HACL2: variants seen among roughly 807,000 people sequenced by gnomAD.
HACL2 encodes the protein 2-hydroxyacyl-CoA lyase 1 like.
the HACL2 span, chr19:15,122,905 C>T: frequency 6.2e-7 from 1 of 1,610,136 alleles, no homozygotes. The surrounding 1 kb of genome is among the most constrained non-coding windows in gnomAD (Gnocchi z 4.0). Flanking sequence ...GGGTGCCCGA[C>T]TGGGCGGCAG....
the HACL2 span, chr19:15,124,510 G>C: frequency 5.8e-6 from 1 of 173,818 alleles, no homozygotes; most frequent in East Asian, 1.6e-4. Context: ...GAAAAGGTAA[G>C]GGGTAGGTAA....
the HACL2 span, among the ~76,000 whole-genome samples, chr19:15,119,695 C>T: frequency 5.4e-3 from 825 of 152,238 alleles, 5 homozygotes; most frequent in East Asian, 9.1e-3. Context: ...GGATTACAGG[C>T]GCGTGCCACC....
chr19:15,117,033 A>G, the HACL2 span: 1 of 165,486 alleles, frequency 6.0e-6, no homozygotes, highest in Admixed American at 6.3e-5. Flanking sequence ...TGTCCTGGCC[A>G]TTTTGAGCAG....
chr19:15,119,182 A>G, the HACL2 span: 338,775 of 1,576,118 alleles, frequency 0.21, 39,645 homozygotes, highest in East Asian at 0.36. Flanking sequence ...GGACAATGAC[A>G]TCCGCCTTCT....
chr19:15,125,062 G>T, the HACL2 span: 1 of 1,545,202 alleles, frequency 6.5e-7, no homozygotes, highest in East Asian at 2.4e-5. Flanking sequence ...GTCTCCATGA[G>T]GTGGTACCTA....
At chr19:15,117,745 C>T in the HACL2 span, 5 of 858,124 alleles carry the variant, frequency 5.8e-6, no homozygotes, top group East Asian at 1.2e-4. Flanking sequence ...AACTATTTGT[C>T]TCTGGTTGAC....
the HACL2 span, chr19:15,125,185 G>A: frequency 1.1e-5 from 12 of 1,059,800 alleles, no homozygotes; most frequent in Non-Finnish European, 1.3e-5. Flanking sequence ...CAGTTTCTGT[G>A]CGGCCACGCC....
chr19:15,123,078 C>A, the HACL2 span: 25 of 1,610,866 alleles, frequency 1.6e-5, no homozygotes, highest in Non-Finnish European at 2.0e-5. This position sits in a 1 kb window ranked among gnomAD's most constrained non-coding sequence, Gnocchi z 5.1. Flanking sequence ...GCCCTTCAAG[C>A]CCCCCTAGGC....
the HACL2 span, among the ~76,000 whole-genome samples, chr19:15,122,210 T>G: frequency 6.6e-6 from 1 of 152,108 alleles, no homozygotes; most frequent in Non-Finnish European, 1.5e-5. The surrounding 1 kb of genome is among the most constrained non-coding windows in gnomAD (Gnocchi z 4.0). Flanking sequence ...CGGCCTGGGC[T>G]CTGCCACTTC....
chr19:15,116,445 G>A, the HACL2 span: 1 of 1,614,004 alleles, frequency 6.2e-7, no homozygotes, highest in South Asian at 1.1e-5. Context: ...GCTTCCCGCA[G>A]CTCCTCCACC....
chr19:15,120,069 A>G, the HACL2 span: 1 of 1,548,348 alleles, frequency 6.5e-7, no homozygotes, highest in South Asian at 1.2e-5. Context: ...TGGCCAGGTA[A>G]TTCTCTAAAT....
chr19:15,125,628 C>T, the HACL2 span: 1 of 152,812 alleles, frequency 6.5e-6, no homozygotes. Context: ...GGTTCTCCCA[C>T]ACCAGCTCGA....
chr19:15,115,675 C>A, the HACL2 span: 1 of 1,612,828 alleles, frequency 6.2e-7, no homozygotes, highest in Non-Finnish European at 8.5e-7. Flanking sequence ...CTGGGATCTA[C>A]AGGAAGATGA....
the HACL2 span, chr19:15,123,986 A>C: frequency 5.6e-6 from 1 of 178,318 alleles, no homozygotes; most frequent in Non-Finnish European, 1.2e-5. The surrounding 1 kb of genome is among the most constrained non-coding windows in gnomAD (Gnocchi z 5.1). Context: ...ATCTGCTGTG[A>C]CTCCTCCCTG....
At chr19:15,115,531 C>A in the HACL2 span, 1 of 1,603,592 alleles carries the variant, frequency 6.2e-7, no homozygotes, top group South Asian at 1.1e-5. Flanking sequence ...CTGAAACAGC[C>A]TCCTGTCCTC....
At chr19:15,117,390 A>AGGCCG in the HACL2 span, 1 of 156,468 alleles carries the variant, frequency 6.4e-6, no homozygotes, top group African/African-American at 2.4e-5. Context: ...AGCATCTATC[A>AGGCCG]GGCCGGGCGC....
chr19:15,118,188 T>C, the HACL2 span, among the ~76,000 whole-genome samples: 1 of 152,172 alleles, frequency 6.6e-6, no homozygotes, highest in Non-Finnish European at 1.5e-5. Flanking sequence ...GGGACTGGCC[T>C]CATGACATGC....
the HACL2 span, chr19:15,120,011 G>C: frequency 1.1e-5 from 17 of 1,550,652 alleles, no homozygotes; most frequent in Non-Finnish European, 1.5e-5. Flanking sequence ...GGGATGTCCA[G>C]GGGCAGCGGT....
chr19:15,124,958 G>C, the HACL2 span: 1 of 1,608,160 alleles, frequency 6.2e-7, no homozygotes, highest in South Asian at 1.1e-5. Flanking sequence ...GCCCCAGGCG[G>C]TGAGCGGCGC....
Sources: gnomAD v4.1 joint callset for allele counts (sites outside exome capture counted in the v4.1 genomes callset) on GRCh38, gnomAD v4.1.1 for gene constraint, Gnocchi (gnomAD v3.1) non-coding constraint, MANE v1.5 for transcripts, NCBI Gene and HGNC (gene_info 2026-07-23, HGNC 2026-07-21) for gene names.